Variants in KLHL1 observed in about 807,000 individuals in gnomAD.
KLHL1 encodes kelch like family member 1.
Under a neutral mutation model 77.7 loss-of-function variants are expected in KLHL1, and 47 were observed. The ratio of observed to expected loss-of-function variants is 0.60; its 90% CI spans 0.48 to 0.77. KLHL1 has a LOEUF of 0.77. Ranked by LOEUF, KLHL1 falls within the 30% of genes least tolerant of loss-of-function variation. The pLI is 0.00. For synonymous variants in KLHL1, 360 were observed against 325.2 expected, an observed-to-expected ratio of 1.11 and a Z score of -1.15; for missense variants, 925 against 910.8, an observed-to-expected ratio of 1.02 and a Z score of -0.20.
At chr13:69,838,463 T>G (rs1319356489) in intron 6 of KLHL1, among the ~76,000 whole-genome samples, 1 of 151,872 alleles carries the variant, frequency 6.6e-6, no homozygotes, top group East Asian at 1.9e-4. Flanking sequence ...TATGTTTAGT[T>G]TTTAAACAAA....
At chr13:69,734,249 G>A (rs1361099590) in intron 8 of KLHL1, among the ~76,000 whole-genome samples, 2 of 152,126 alleles carry the variant, frequency 1.3e-5, no homozygotes, top group Non-Finnish European at 2.9e-5. Context: ...CATGTGATGT[G>A]CCTGCTCCCC....
intron 5 of KLHL1, among the ~76,000 whole-genome samples, chr13:69,856,184 T>C (rs1466288025): frequency 6.6e-6 from 1 of 151,934 alleles, no homozygotes; most frequent in Non-Finnish European, 1.5e-5. Context: ...GATTTGTTTA[T>C]TGTTCAGTTG....
intron 5 of KLHL1, among the ~76,000 whole-genome samples, chr13:69,870,317 T>C (rs1470227072): frequency 1.3e-5 from 2 of 152,046 alleles, no homozygotes; most frequent in Admixed American, 6.6e-5. Flanking sequence ...AGAGAACTAA[T>C]AGAGCAATAA....
chr13:69,958,580 A>AT (rs1249832334), intron 3 of KLHL1, among the ~76,000 whole-genome samples: 1 of 151,696 alleles, frequency 6.6e-6, no homozygotes, highest in Non-Finnish European at 1.5e-5. Flanking sequence ...AATCTTACAC[A>AT]TTTTTCAGAG....
chr13:70,082,306 A>T lies in KLHL1; in HGVS notation c.497+24897T>A, dbSNP rs577040931. Among the ~76,000 whole-genome samples, 255 of 133,614 alleles carry T rather than the reference A, an allele frequency of 1.9e-3. 2 individuals carry two copies. Among genetic ancestry groups the T allele is most frequent in the African/African-American group, 7.0e-3 (248 of 35,210 alleles). The allele number at this position is 133,614 out of a possible 152,430, so 87.7% of individuals were successfully genotyped here. ...TTAACCAGGAGCCCTTCCTCCTTGG[A>T]CCTGTCACACACACACACACACACA... On this transcript the variant is annotated intron_variant, in intron 1 of 10. Coordinates refer to ENST00000377844, the MANE Select transcript of KLHL1 (RefSeq NM_020866.3).
intron 1 of KLHL1, among the ~76,000 whole-genome samples, chr13:70,103,936 A>T (rs184356414): frequency 2.6e-5 from 4 of 152,290 alleles, no homozygotes; most frequent in Non-Finnish European, 5.9e-5. Context: ...AAATCTGTAA[A>T]GACAGTTTAT....
At chr13:70,010,911 T>TAA (rs1555290288) in intron 1 of KLHL1, among the ~76,000 whole-genome samples, 6 of 147,712 alleles carry the variant, frequency 4.1e-5, no homozygotes, top group East Asian at 2.0e-4. Context: ...ATAATAATAA[T>TAA]AATAAAATAA....
rs1022589457 is a variant in KLHL1 at position 69,888,698 on chromosome 13, C to T, written c.1015-6203G>A. Among the ~76,000 whole-genome samples, 7 of 152,002 alleles carry T rather than the reference C, an allele frequency of 4.6e-5. No homozygotes were observed. In the East Asian group the frequency reaches 5.8e-4, roughly 13 times the overall value. On this transcript the variant is annotated intron_variant, in intron 4 of 10. Transcript: ENST00000377844. ...TGTGGATAATATGACTTTGAATTTCCGGTCATTAGAACTGCAAAAAAGTAA... is the reference window on the plus strand; with the variant it reads ...TGTGGATAATATGACTTTGAATTTCTGGTCATTAGAACTGCAAAAAAGTAA...
intron 7 of KLHL1, among the ~76,000 whole-genome samples, chr13:69,767,016 T>C (rs1875336153): frequency 6.6e-6 from 1 of 152,210 alleles, no homozygotes; most frequent in Non-Finnish European, 1.5e-5. Flanking sequence ...ACATTACCCA[T>C]ATCAAAGTAG....
intron 5 of KLHL1, among the ~76,000 whole-genome samples, chr13:69,870,094 C>T (rs978767382): frequency 1.3e-5 from 2 of 152,072 alleles, no homozygotes; most frequent in Non-Finnish European, 2.9e-5. Context: ...TCAAAGAATA[C>T]CTGAGACTGT....
At chr13:69,718,666 A>G (rs1872886968) in intron 9 of KLHL1, among the ~76,000 whole-genome samples, 1 of 152,076 alleles carries the variant, frequency 6.6e-6, no homozygotes, top group South Asian at 2.1e-4. Context: ...ACTACATACC[A>G]TATAATAGTT....
At position 69,786,267 on chromosome 13, in the gene KLHL1, T is replaced by C. The variant is rs1876540489; in HGVS notation, c.1639+10471A>G. Among the ~76,000 whole-genome samples the C allele has an allele frequency of 3.9e-5, 6 of 152,252 alleles. No individual in the cohort carries two copies. In the South Asian group the frequency reaches 1.2e-3, roughly 32 times the overall value. The stretch of plus-strand genomic sequence containing the variant: ...GATGCAAAAATCCTCAATAAAATAC[T>C]GGCAAACCAAATCCAGCAGCACATC... On this transcript the variant is annotated intron_variant, in intron 7 of 10. Transcript: ENST00000377844.
chr13:69,999,850 C>T (rs1935896155), intron 1 of KLHL1, among the ~76,000 whole-genome samples: 1 of 151,996 alleles, frequency 6.6e-6, no homozygotes, highest in Non-Finnish European at 1.5e-5. Flanking sequence ...GGTCACTGAC[C>T]AGACATGAAA....
intron 1 of KLHL1, among the ~76,000 whole-genome samples, chr13:70,096,113 T>G (rs1165442910): frequency 6.6e-6 from 1 of 152,116 alleles, no homozygotes; most frequent in Non-Finnish European, 1.5e-5. Context: ...CTTAGGGTGA[T>G]TCCATATTTT....
intron 3 of KLHL1, among the ~76,000 whole-genome samples, chr13:69,941,219 A>G (rs1162832851): frequency 6.6e-6 from 1 of 152,070 alleles, no homozygotes; most frequent in African/African-American, 2.4e-5. Context: ...AGTCTCAATC[A>G]ATTTAAGAAA....
intron 4 of KLHL1, among the ~76,000 whole-genome samples, chr13:69,916,869 G>C (rs191058665): frequency 1.1e-4 from 16 of 151,808 alleles, no homozygotes; most frequent in Admixed American, 9.2e-4. Flanking sequence ...AAAAAACAAA[G>C]AATCTTATCA....
intron 4 of KLHL1, among the ~76,000 whole-genome samples, chr13:69,930,667 C>T (rs905649909): frequency 6.6e-6 from 1 of 151,692 alleles, no homozygotes; most frequent in Admixed American, 6.6e-5. Context: ...TACGCTTTTT[C>T]TAGTTCTGTA....
intron 4 of KLHL1, among the ~76,000 whole-genome samples, chr13:69,919,737 A>G (rs2225528): frequency 0.56 from 85,236 of 151,882 alleles, 23,974 homozygotes; most frequent in South Asian, 0.66. Context: ...AGCTACTCAG[A>G]TATTTGGCTT....
chr13:70,085,191 A>G (rs1887503982), intron 1 of KLHL1, among the ~76,000 whole-genome samples: 1 of 152,216 alleles, frequency 6.6e-6, no homozygotes, highest in Non-Finnish European at 1.5e-5. Context: ...ATACAGACAG[A>G]AAAGCTAAAC....
Sources: allele counts gnomAD v4.1 joint callset (sites outside exome capture counted in the v4.1 genomes callset), GRCh38; gene constraint gnomAD v4.1.1; transcripts MANE v1.5; gene names NCBI Gene and HGNC (gene_info 2026-07-23, HGNC 2026-07-21).